SLCO1A2: variants seen among roughly 807,000 people sequenced by gnomAD.
SLCO1A2 encodes OATP-1.
Under a neutral mutation model 69.0 loss-of-function variants are expected in SLCO1A2, and 67 were observed. That is an observed-to-expected ratio of 0.97 (90% confidence interval 0.80 to 1.19). The LOEUF (loss-of-function observed/expected upper bound fraction) is 1.19. Ranked by LOEUF, SLCO1A2 falls within the 50% of genes most tolerant of loss-of-function variation. SLCO1A2 has a pLI of 0.00. For missense variants in SLCO1A2, 787 were observed against 793.7 expected (o/e 0.99, Z 0.10); for synonymous variants, 260 against 265.9 (o/e 0.98, Z 0.22).
intron 5 of SLCO1A2, 126 bp downstream of exon 5, chr12:21,306,756 T>G (rs968147998): frequency 1.0e-5 from 6 of 581,506 alleles, no homozygotes; most frequent in Non-Finnish European, 1.8e-5. Flanking sequence ...CCTTTGGAAG[T>G]TCCTGGAGAG....
intron 1 of SLCO1A2, among the ~76,000 whole-genome samples, chr12:21,382,735 C>A (rs1398109989): frequency 7.0e-6 from 1 of 142,136 alleles, no homozygotes; most frequent in African/African-American, 2.7e-5. Context: ...GCAGAGGTTG[C>A]AGTGAGCCAA....
At chr12:21,307,047 A>G in intron 4 of SLCO1A2, 59 bp from the exon 5 acceptor site, 1 of 1,189,820 alleles carries the variant, frequency 8.4e-7, no homozygotes, top group Non-Finnish European at 1.2e-6. Context: ...CAATGTGGGC[A>G]ATGTGCAGAT....
rs1350872778 is a variant in SLCO1A2 at position 21,266,306 on chromosome 12, T to G, written c.*3242A>C. ...CCACGGAAAATCCCACTTCAGACTC[T>G]ACTCCTTGTTGAACTGATTTGTTAT... is the stretch of plus-strand genomic sequence containing the variant. On this transcript the variant is annotated 3_prime_UTR_variant, in exon 15 of 15. Transcript: ENST00000683939. 1 of 152,170 alleles carries G rather than the reference T, an allele frequency of 6.6e-6. No homozygotes were observed. The highest frequency in any genetic ancestry group is 1.5e-5 in the Non-Finnish European group (1 of 68,030). The allele number at this position is 152,170 out of a possible 1,614,324, so 9.4% of individuals were successfully genotyped here.
chr12:21,373,327 T>C (rs748052544), intron 2 of SLCO1A2: 7 of 1,526,834 alleles, frequency 4.6e-6, no homozygotes, highest in Middle Eastern at 1.7e-4. Flanking sequence ...TGCTGGATTA[T>C]TCTTTGCAGA....
At chr12:21,361,588 C>A (rs1489057144) in intron 2 of SLCO1A2, among the ~76,000 whole-genome samples, 1 of 152,126 alleles carries the variant, frequency 6.6e-6, no homozygotes, top group East Asian at 1.9e-4. Flanking sequence ...TAATAACAAA[C>A]TTCTCCGAGC....
intron 2 of SLCO1A2, among the ~76,000 whole-genome samples, chr12:21,334,137 G>A (rs1952779483): frequency 6.6e-6 from 1 of 151,968 alleles, no homozygotes; most frequent in African/African-American, 2.4e-5. Context: ...TTTCTTACAG[G>A]AAATTATTGT....
chr12:21,296,992 G>A (rs1189073948), intron 9 of SLCO1A2, among the ~76,000 whole-genome samples: 1 of 151,930 alleles, frequency 6.6e-6, no homozygotes, highest in East Asian at 1.9e-4. Flanking sequence ...ACCACTAGGG[G>A]GACCAAAAAA....
chr12:21,399,714 T>C (rs1941619518), upstream of SLCO1A2, among the ~76,000 whole-genome samples: 1 of 117,770 alleles, frequency 8.5e-6, no homozygotes, highest in Admixed American at 8.7e-5. Flanking sequence ...CCCTCAGAAA[T>C]AACGCCACAT....
At chr12:21,398,747 C>G (rs541542501), upstream of SLCO1A2, among the ~76,000 whole-genome samples, 2 of 150,390 alleles carry the variant, frequency 1.3e-5, no homozygotes, top group African/African-American at 4.9e-5. Context: ...ATGTAATCCA[C>G]ATATAAACAG....
intron 3 of SLCO1A2, among the ~76,000 whole-genome samples, chr12:21,317,639 A>G (rs1376701319): frequency 6.6e-6 from 1 of 152,204 alleles, no homozygotes; most frequent in African/African-American, 2.4e-5. Flanking sequence ...TCTCACTGGG[A>G]TCAGCACACA....
chr12:21,382,657 T>C (rs1940658855), intron 1 of SLCO1A2, among the ~76,000 whole-genome samples: 1 of 151,400 alleles, frequency 6.6e-6, no homozygotes, highest in South Asian at 2.1e-4. Flanking sequence ...TAGCCGGGAA[T>C]GATGGTGGAA....
intron 1 of SLCO1A2, among the ~76,000 whole-genome samples, chr12:21,405,766 G>T (rs1004452004): frequency 1.3e-5 from 2 of 152,166 alleles, no homozygotes; most frequent in Non-Finnish European, 2.9e-5. Context: ...ACTCCAGATG[G>T]ACTAAAGACT....
chr12:21,350,748 A>C (rs887601305), intron 2 of SLCO1A2, among the ~76,000 whole-genome samples: 3 of 148,422 alleles, frequency 2.0e-5, no homozygotes, highest in African/African-American at 7.5e-5. Context: ...GAGGCAGGGG[A>C]ATCACTTGAA....
At chr12:21,312,046 G>C (rs1950266170) in intron 4 of SLCO1A2, among the ~76,000 whole-genome samples, 1 of 149,830 alleles carries the variant, frequency 6.7e-6, no homozygotes, top group Non-Finnish European at 1.5e-5. Context: ...AGAGGAAGAA[G>C]AAGAGGAGGA....
intron 2 of SLCO1A2, among the ~76,000 whole-genome samples, chr12:21,323,960 A>G (rs1480283725): frequency 6.6e-6 from 1 of 152,164 alleles, no homozygotes; most frequent in Non-Finnish European, 1.5e-5. Context: ...ATTTGCAGTG[A>G]AAAACAGATC....
chr12:21,348,905 A>AAT (rs1422734674), intron 2 of SLCO1A2, among the ~76,000 whole-genome samples: 1 of 152,192 alleles, frequency 6.6e-6, no homozygotes, highest in Non-Finnish European at 1.5e-5. Context: ...CAACTTATGT[A>AAT]AACTACGGCC....
intron 2 of SLCO1A2, among the ~76,000 whole-genome samples, chr12:21,366,246 A>G (rs536986359): frequency 4.9e-4 from 75 of 152,286 alleles, no homozygotes; most frequent in African/African-American, 1.7e-3. Flanking sequence ...CATATCCTTT[A>G]TAGAGACATG....
intron 12 of SLCO1A2, among the ~76,000 whole-genome samples, chr12:21,276,456 A>G (rs536841520): frequency 1.3e-5 from 2 of 151,722 alleles, no homozygotes; most frequent in Admixed American, 6.6e-5. Context: ...GCAATAATTT[A>G]TAAGGGAGGG....
At chr12:21,385,811 CAG>C (rs1940848122) in intron 1 of SLCO1A2, among the ~76,000 whole-genome samples, 1 of 152,278 alleles carries the variant, frequency 6.6e-6, no homozygotes, top group African/African-American at 2.4e-5. Context: ...ACAACAGAAA[CAG>C]ATTTGTTTTT....
Sources: gnomAD v4.1 joint callset for allele counts (sites outside exome capture counted in the v4.1 genomes callset) on GRCh38, gnomAD v4.1.1 for gene constraint, MANE v1.5 for transcripts, NCBI Gene and HGNC (gene_info 2026-07-23, HGNC 2026-07-21) for gene names.